Variants in BLOC1S2 observed in about 807,000 individuals in gnomAD.
BLOC1S2 encodes biogenesis of lysosomal organelles complex 1 subunit 2, also known as biogenesis of lysosome-related organelles complex 1 subunit 2.
BLOC1S2 carries 12 observed loss-of-function variants against 19.6 expected under a neutral mutation model. The observed-to-expected ratio is 0.61, with a 90% confidence interval of 0.39 to 0.99. The LOEUF is 0.99. BLOC1S2 is among the 50% of genes least tolerant of loss of function. The probability of loss-of-function intolerance (pLI) is 0.00; values close to 1 mark genes in which losing one functional copy is unlikely to be tolerated. For missense variants in BLOC1S2, 142 were observed against 171.0 expected, an observed-to-expected ratio of 0.83 and a Z score of 0.95; for synonymous variants, 66 against 64.1, an observed-to-expected ratio of 1.03 and a Z score of -0.14.
chr10:100,273,396 C>A lies in BLOC1S2; in HGVS notation c.*2066G>T, dbSNP rs905550426. The A allele has an allele frequency of 6.6e-6, 1 of 152,162 alleles. No individual in the cohort carries two copies. Among genetic ancestry groups the A allele is most frequent in the Non-Finnish European group, 1.5e-5 (1 of 68,026 alleles). 9.4% of individuals were successfully genotyped at this position (152,162 alleles called of 1,614,324 possible). A position where few individuals can be genotyped will look rare whatever the true frequency, so the allele number is the denominator to read the frequency against. On this transcript the variant is annotated 3_prime_UTR_variant, in exon 5 of 5. Transcript: ENST00000370372. Reference sequence around the variant, plus strand: ...TCTATTACACATCAATAAAAAAACTCATCCATTAAATTCTGTATTATCTTT... The same window carrying A: ...TCTATTACACATCAATAAAAAAACTAATCCATTAAATTCTGTATTATCTTT...
chr10:100,286,433 C>T (rs925571215), intron 1 of BLOC1S2, 172 bp downstream of exon 1: 7 of 1,473,904 alleles, frequency 4.7e-6, no homozygotes, highest in Admixed American at 2.4e-5. Context: ...CCCCGCTCAT[C>T]CTGGCACCAT....
chr10:100,275,423 A>G lies in BLOC1S2; in HGVS notation c.*39T>C, dbSNP rs1396347477. ...CAGGTTTTATAAGACATTCTTCCACATTAAAAAAAAAAGACTCTGTCCCAT... is the reference window on the plus strand; with the variant it reads ...CAGGTTTTATAAGACATTCTTCCACGTTAAAAAAAAAAGACTCTGTCCCAT... On this transcript the variant is annotated 3_prime_UTR_variant, in exon 5 of 5. Coordinates refer to ENST00000370372, the MANE Select transcript of BLOC1S2 (RefSeq NM_173809.5). 1 of 1,558,536 alleles carries G rather than the reference A, an allele frequency of 6.4e-7. No individual in the cohort carries two copies. Among genetic ancestry groups the G allele is most frequent in the Admixed American group, 1.9e-5 (1 of 52,018 alleles).
chr10:100,277,794 C>A (rs1237302807), intron 4 of BLOC1S2, among the ~76,000 whole-genome samples: 3 of 129,524 alleles, frequency 2.3e-5, no homozygotes, highest in African/African-American at 6.0e-5. Flanking sequence ...AAGTGAGGAG[C>A]CCCTCTGCCC....
chr10:100,280,863 T>G (rs564164576), intron 3 of BLOC1S2, 71 bp downstream of exon 3: 2 of 1,497,268 alleles, frequency 1.3e-6, no homozygotes, highest in South Asian at 2.6e-5. Flanking sequence ...TGTTCCCTCC[T>G]CTTCTCCATG....
At chr10:100,286,333 C>T in intron 1 of BLOC1S2, 120 bp from the exon 2 acceptor site, 1 of 1,481,626 alleles carries the variant, frequency 6.7e-7, no homozygotes, top group Non-Finnish European at 9.0e-7. Flanking sequence ...CATTCTCCAT[C>T]TGCCATAATT....
intron 4 of BLOC1S2, among the ~76,000 whole-genome samples, chr10:100,278,223 C>A (rs1847992710): frequency 6.6e-6 from 1 of 150,740 alleles, no homozygotes; most frequent in Admixed American, 6.6e-5. Context: ...GGGTCAGCCC[C>A]CCGCCTGGCC....
chr10:100,275,159 T>C lies in BLOC1S2; in HGVS notation c.*303A>G. 2.5e-6 allele frequency: 1 copy of C among 406,382 alleles called. No individual in the cohort carries two copies. Among genetic ancestry groups the C allele is most frequent in the Non-Finnish European group, 4.3e-6 (1 of 230,290 alleles). 25.2% of individuals were successfully genotyped at this position (406,382 alleles called of 1,614,324 possible). On this transcript the variant is annotated 3_prime_UTR_variant, in exon 5 of 5. Transcript: ENST00000370372. ...TACCAGAGAAAATAGGTCCTCTCAT[T>C]TGATTTTACTGGTAAGTCCAGCTGT... is the stretch of plus-strand genomic sequence containing the variant.
chr10:100,277,361 C>A (rs1473053536), intron 4 of BLOC1S2, among the ~76,000 whole-genome samples: 1 of 151,452 alleles, frequency 6.6e-6, no homozygotes, highest in Non-Finnish European at 1.5e-5. Context: ...GGCCAGCCGC[C>A]CCGTCCGGGA....
chr10:100,277,526 T>C (rs4917890), intron 4 of BLOC1S2, among the ~76,000 whole-genome samples: 50,252 of 59,746 alleles, frequency 0.84, 21,101 homozygotes, highest in East Asian at 0.92. Context: ...GCCCCCCGCC[T>C]GGCCAGCTGT....
At chr10:100,277,680 C>A (rs1847949767) in intron 4 of BLOC1S2, among the ~76,000 whole-genome samples, 1 of 141,634 alleles carries the variant, frequency 7.1e-6, no homozygotes, top group East Asian at 2.2e-4. Context: ...CCCCGCCCGG[C>A]CAGCCGCCCC....
rs531310680 is a variant in BLOC1S2, at chr10:100,274,718, A to G, written c.*744T>C. The G allele has an allele frequency of 2.7e-6, 1 of 366,282 alleles. No homozygotes were observed. The highest frequency in any genetic ancestry group is 3.9e-5 in the East Asian group (1 of 25,720). The allele number at this position is 366,282 out of a possible 1,614,324, so 22.7% of individuals were successfully genotyped here. On this transcript the variant is annotated 3_prime_UTR_variant, in exon 5 of 5. Coordinates refer to ENST00000370372, the MANE Select transcript of BLOC1S2 (RefSeq NM_173809.5). ...AGGAAGGTATTTTATAAAATCCTTT[A>G]TTTTATGAGTGGCAATCGTCACCTC...
At chr10:100,283,913 C>T (rs555016224) in intron 2 of BLOC1S2, among the ~76,000 whole-genome samples, 1 of 152,288 alleles carries the variant, frequency 6.6e-6, no homozygotes, top group African/African-American at 2.4e-5. Context: ...CATATTCAAA[C>T]ACCTAGAAGC....
chr10:100,277,468 C>A (rs1215941524), intron 4 of BLOC1S2, among the ~76,000 whole-genome samples: 2 of 143,194 alleles, frequency 1.4e-5, no homozygotes, highest in African/African-American at 5.3e-5. Flanking sequence ...GGGGGGTCAG[C>A]CCCCCGCCCG....
intron 4 of BLOC1S2, among the ~76,000 whole-genome samples, chr10:100,277,917 T>C (rs1847967997): frequency 2.1e-5 from 2 of 94,630 alleles, no homozygotes; most frequent in Admixed American, 1.9e-4. Flanking sequence ...AGCCGCCCCG[T>C]CCGGGAGGTG....
intron 2 of BLOC1S2, among the ~76,000 whole-genome samples, chr10:100,285,608 G>A (rs1009588072): frequency 1.3e-5 from 2 of 152,152 alleles, no homozygotes; most frequent in African/African-American, 4.8e-5. Flanking sequence ...ACTTGGAAAC[G>A]ATCAAACACT....
At chr10:100,277,444 C>T (rs1354029025) in intron 4 of BLOC1S2, among the ~76,000 whole-genome samples, 11 of 145,600 alleles carry the variant, frequency 7.6e-5, no homozygotes, top group African/African-American at 2.6e-4. Context: ...GCCACCCCGT[C>T]CGGGAGGGAG....
intron 4 of BLOC1S2, among the ~76,000 whole-genome samples, chr10:100,277,933 C>T (rs1393393490): frequency 3.4e-5 from 3 of 89,494 alleles, no homozygotes; most frequent in African/African-American, 5.0e-5. Flanking sequence ...AGGTGAGGGG[C>T]GCCTCTGCCC....
chr10:100,277,725 C>A (rs2134353779), intron 4 of BLOC1S2, among the ~76,000 whole-genome samples: 1 of 138,166 alleles, frequency 7.2e-6, no homozygotes, highest in East Asian at 2.3e-4. Context: ...AGCCCCCCGC[C>A]CGGCCAGCCG....
At chr10:100,276,142 T>C (rs1392652601) in intron 4 of BLOC1S2, among the ~76,000 whole-genome samples, 1 of 152,188 alleles carries the variant, frequency 6.6e-6, no homozygotes, top group Non-Finnish European at 1.5e-5. Flanking sequence ...TGGCTAAATG[T>C]AACTGTAGAA....
Sources: allele counts gnomAD v4.1 joint callset (sites outside exome capture counted in the v4.1 genomes callset), GRCh38; gene constraint gnomAD v4.1.1; transcripts MANE v1.5; gene names NCBI Gene and HGNC (gene_info 2026-07-23, HGNC 2026-07-21).